Variants in LRMDA observed in about 807,000 individuals in gnomAD.
LRMDA encodes leucine-rich melanocyte differentiation-associated protein.
A neutral mutation model predicts 29.8 loss-of-function variants in LRMDA; 18 were observed. The observed-to-expected ratio is 0.60, with a 90% CI of 0.42 to 0.90. The LOEUF is 0.90. Ranked by LOEUF, LRMDA falls within the 40% of genes least tolerant of loss-of-function variation. LRMDA has a pLI of 0.00. For synonymous variants in LRMDA, 125 were observed against 109.4 expected, an observed-to-expected ratio of 1.14 and a Z score of -0.89; for missense variants, 273 against 273.9, an observed-to-expected ratio of 1.00 and a Z score of 0.02.
intron 5 of LRMDA, among the ~76,000 whole-genome samples, chr10:76,139,731 T>C (rs941885810): frequency 6.6e-6 from 1 of 152,168 alleles, no homozygotes; most frequent in South Asian, 2.1e-4. Context: ...GTTTTTCTAG[T>C]ACAGAAAAGT....
chr10:75,980,524 G>A (rs1247133198), intron 2 of LRMDA, among the ~76,000 whole-genome samples: 1 of 152,166 alleles, frequency 6.6e-6, no homozygotes, highest in Non-Finnish European at 1.5e-5. Flanking sequence ...TGGCAGGGGG[G>A]CTATAATGTT....
intron 5 of LRMDA, among the ~76,000 whole-genome samples, chr10:76,307,244 A>C (rs1424134786): frequency 6.6e-6 from 1 of 152,214 alleles, no homozygotes; most frequent in Non-Finnish European, 1.5e-5. Context: ...AGATCCTGAA[A>C]GGTATAAACT....
rs78901986 is a variant in LRMDA at position 75,890,112 on chromosome 10, G to A, written c.132-145896G>A. On this transcript the variant is annotated intron_variant, in intron 2 of 6. Transcript: ENST00000611255. ...TCAGTAGTCCTCACTGTAAGCAAAC[G>A]CAAAGCTCACATCTTGAGATGGAAG... Among the ~76,000 whole-genome samples the A allele has an allele frequency of 3.9e-4, 59 of 152,286 alleles. 1 individual carries two copies. In the East Asian group the frequency reaches 0.01, roughly 26 times the overall value.
intron 5 of LRMDA, among the ~76,000 whole-genome samples, chr10:76,077,991 C>CTTTTTTTTTTTTTTTTTT (rs1564646877): frequency 1.2e-5 from 1 of 83,432 alleles, no homozygotes. Context: ...GCAATATTAA[C>CTTTTTTTTTTTTTTTTTT]ATTTTTTTTT....
chr10:75,813,450 T>C (rs1263736947), intron 2 of LRMDA, among the ~76,000 whole-genome samples: 1 of 152,224 alleles, frequency 6.6e-6, no homozygotes, highest in Admixed American at 6.5e-5. Context: ...GCTCCCCAGC[T>C]GATTTCCATG....
intron 5 of LRMDA, among the ~76,000 whole-genome samples, chr10:76,293,992 T>C (rs1840381771): frequency 1.3e-5 from 2 of 152,222 alleles, no homozygotes; most frequent in Admixed American, 1.3e-4. Context: ...TTGGTGCTTG[T>C]TTTTAATAAT....
intron 2 of LRMDA, among the ~76,000 whole-genome samples, chr10:75,543,369 A>C (rs773031069): frequency 2.6e-5 from 4 of 152,146 alleles, no homozygotes; most frequent in African/African-American, 4.8e-5. Context: ...TAAACAAGAG[A>C]TATTACTTTG....
At chr10:75,532,962 G>A (rs1845495780) in intron 2 of LRMDA, among the ~76,000 whole-genome samples, 1 of 152,130 alleles carries the variant, frequency 6.6e-6, no homozygotes, top group Admixed American at 6.6e-5. Flanking sequence ...ACTCTCTCGT[G>A]GGAGTGACAA....
At chr10:76,077,503 T>C (rs1848978902) in intron 5 of LRMDA, among the ~76,000 whole-genome samples, 1 of 152,114 alleles carries the variant, frequency 6.6e-6, no homozygotes, top group African/African-American at 2.4e-5. Context: ...TATTCATATT[T>C]TTAAAATGAA....
chr10:75,592,612 C>T (rs1042492896), intron 2 of LRMDA, among the ~76,000 whole-genome samples: 8 of 152,204 alleles, frequency 5.3e-5, no homozygotes, highest in African/African-American at 1.9e-4. Flanking sequence ...CACTGGGCAG[C>T]TCTACCGTCG....
chr10:76,090,712 C>T (rs1849217204), intron 5 of LRMDA, among the ~76,000 whole-genome samples: 1 of 152,198 alleles, frequency 6.6e-6, no homozygotes, highest in Non-Finnish European at 1.5e-5. Context: ...GAAGGCACTT[C>T]TGACACATGC....
At chr10:76,429,241 T>TG (rs1842164747) in intron 6 of LRMDA, among the ~76,000 whole-genome samples, 1 of 152,144 alleles carries the variant, frequency 6.6e-6, no homozygotes. Flanking sequence ...TGGACTTAGC[T>TG]CACCTTTAGT....
At chr10:76,300,806 A>G (rs539177781) in intron 5 of LRMDA, among the ~76,000 whole-genome samples, 1 of 152,332 alleles carries the variant, frequency 6.6e-6, no homozygotes, top group Admixed American at 6.5e-5. Flanking sequence ...GGAATATAGA[A>G]TCAGAATGGA....
At chr10:75,982,360 T>C (rs148635850) in intron 2 of LRMDA, among the ~76,000 whole-genome samples, 241 of 152,242 alleles carry the variant, frequency 1.6e-3, no homozygotes, top group African/African-American at 5.4e-3. Context: ...GTGGGTGATA[T>C]GGTTGACCAT....
intron 2 of LRMDA, among the ~76,000 whole-genome samples, chr10:75,573,342 G>A (rs2132071593): frequency 6.6e-6 from 1 of 151,996 alleles, no homozygotes; most frequent in Non-Finnish European, 1.5e-5. Flanking sequence ...CCCCAGTTCT[G>A]GAAAATCCTC....
intron 2 of LRMDA, among the ~76,000 whole-genome samples, chr10:75,718,239 ACT>A (rs1241335783): frequency 1.3e-5 from 2 of 151,956 alleles, no homozygotes; most frequent in East Asian, 3.9e-4. Context: ...GGCCGTGGAG[ACT>A]CTGCTTCATC....
intron 2 of LRMDA, among the ~76,000 whole-genome samples, chr10:76,010,651 G>T (rs1847763636): frequency 6.6e-6 from 1 of 152,094 alleles, no homozygotes. Flanking sequence ...TCCATTCCAG[G>T]ACATTCTCTG....
At chr10:75,495,943 G>A (rs921595043) in intron 2 of LRMDA, among the ~76,000 whole-genome samples, 1 of 152,192 alleles carries the variant, frequency 6.6e-6, no homozygotes, top group Non-Finnish European at 1.5e-5. Flanking sequence ...ACATTGCTGT[G>A]TCCCTTCTTA....
intron 2 of LRMDA, among the ~76,000 whole-genome samples, chr10:75,582,441 A>T (rs1438592854): frequency 6.6e-6 from 1 of 152,168 alleles, no homozygotes; most frequent in Non-Finnish European, 1.5e-5. Flanking sequence ...GCAGTGGCCC[A>T]AGCTGTCCCT....
Sources: gnomAD v4.1 joint callset for allele counts (sites outside exome capture counted in the v4.1 genomes callset) on GRCh38, gnomAD v4.1.1 for gene constraint, MANE v1.5 for transcripts, NCBI Gene and HGNC (gene_info 2026-07-23, HGNC 2026-07-21) for gene names.